The following SLC1A2 variants were observed in gnomAD, a reference collection of about 807,000 sequenced individuals.
The protein encoded by SLC1A2 is excitatory amino acid transporter 2.
A neutral mutation model predicts 48.8 loss-of-function variants in SLC1A2; 15 were observed. The ratio of observed to expected loss-of-function variants is 0.31; its 90% CI spans 0.21 to 0.47. The LOEUF (loss-of-function observed/expected upper bound fraction) is 0.47. Among genes scored for constraint, SLC1A2 ranks in the 20% least tolerant of loss-of-function variants. SLC1A2 has a pLI of 0.99. For synonymous variants in SLC1A2, 279 were observed against 272.6 expected, an observed-to-expected ratio of 1.02 and a Z score of -0.23; for missense variants, 502 against 730.5, an observed-to-expected ratio of 0.69 and a Z score of 3.61.
intron 1 of SLC1A2, among the ~76,000 whole-genome samples, chr11:35,386,474 C>T (rs941542952): frequency 6.6e-5 from 10 of 152,038 alleles, no homozygotes; most frequent in African/African-American, 2.2e-4. Context: ...AGAAAGGTGC[C>T]GATGAAAAGG....
chr11:35,322,895 T>A (rs573076580), intron 1 of SLC1A2: 11 of 618,658 alleles, frequency 1.8e-5, no homozygotes, highest in Non-Finnish European at 2.6e-5. Flanking sequence ...ACTCTAAGAC[T>A]TTCTGGCATT....
At chr11:35,392,714 G>A (rs1854821463) in intron 1 of SLC1A2, among the ~76,000 whole-genome samples, 1 of 152,164 alleles carries the variant, frequency 6.6e-6, no homozygotes, top group Admixed American at 6.5e-5. Context: ...AATGCCCCGA[G>A]TCCTCCTCCC....
intron 1 of SLC1A2, chr11:35,380,276 T>C (rs1489943229): frequency 3.3e-5 from 13 of 398,294 alleles, no homozygotes; most frequent in Middle Eastern, 6.3e-4. Context: ...CCTGATGCTC[T>C]GGGTGGTTCG....
At chr11:35,282,075 A>T (rs1393666190) in intron 8 of SLC1A2, among the ~76,000 whole-genome samples, 1 of 142,768 alleles carries the variant, frequency 7.0e-6, no homozygotes, top group African/African-American at 2.6e-5. Context: ...CGTTTGGAAG[A>T]TTAAGGCCCC....
At chr11:35,410,905 C>T (rs1382160018) in intron 1 of SLC1A2, among the ~76,000 whole-genome samples, 1 of 152,188 alleles carries the variant, frequency 6.6e-6, no homozygotes, top group Non-Finnish European at 1.5e-5. Context: ...CAATAAATTC[C>T]ATGCACACAA....
chr11:35,284,505 T>C (rs1408619840), intron 8 of SLC1A2, among the ~76,000 whole-genome samples: 1 of 152,002 alleles, frequency 6.6e-6, no homozygotes, highest in Non-Finnish European at 1.5e-5. Flanking sequence ...ACATTCTAGC[T>C]GATTAAATAA....
chr11:35,323,756 C>A (rs1852151434), intron 1 of SLC1A2, among the ~76,000 whole-genome samples: 3 of 152,208 alleles, frequency 2.0e-5, no homozygotes, highest in Non-Finnish European at 2.9e-5. Flanking sequence ...ATAACAACAA[C>A]CATTTCTTGA....
At chr11:35,360,920 C>A (rs186267612) in intron 1 of SLC1A2, among the ~76,000 whole-genome samples, 1 of 151,758 alleles carries the variant, frequency 6.6e-6, no homozygotes, top group Non-Finnish European at 1.5e-5. Flanking sequence ...CTGTTGCCCA[C>A]GCTGGAGTAC....
At chr11:35,312,137 A>C in intron 4 of SLC1A2, 61 bp downstream of exon 4, 1 of 1,562,504 alleles carries the variant, frequency 6.4e-7, no homozygotes, top group Non-Finnish European at 8.8e-7. Flanking sequence ...AAATACTCTT[A>C]AGTTATCGCC....
chr11:35,286,990 A>G (rs1850842475), intron 7 of SLC1A2, 39 bp from the exon 8 acceptor site: 1 of 1,525,846 alleles, frequency 6.6e-7, no homozygotes, highest in Admixed American at 1.7e-5. Context: ...GGTTATGTCC[A>G]CTTTAGAGAA....
chr11:35,313,803 G>A (rs936548138), intron 3 of SLC1A2, among the ~76,000 whole-genome samples: 1 of 152,146 alleles, frequency 6.6e-6, no homozygotes, highest in Non-Finnish European at 1.5e-5. Flanking sequence ...GCCCCTAAGT[G>A]CCTGATCCTG....
intron 1 of SLC1A2, among the ~76,000 whole-genome samples, chr11:35,389,948 T>C (rs930625778): frequency 6.6e-6 from 1 of 152,158 alleles, no homozygotes; most frequent in Non-Finnish European, 1.5e-5. Flanking sequence ...CTTTTCCGGA[T>C]TTCTGTTTGC....
chr11:35,314,475 G>A (rs996565173), intron 3 of SLC1A2, among the ~76,000 whole-genome samples: 2 of 152,196 alleles, frequency 1.3e-5, no homozygotes, highest in Non-Finnish European at 2.9e-5. Context: ...AGCACTTTGG[G>A]AGGCTGAGGC....
At chr11:35,294,643 G>A (rs1208339930) in intron 6 of SLC1A2, among the ~76,000 whole-genome samples, 1 of 152,148 alleles carries the variant, frequency 6.6e-6, no homozygotes, top group Non-Finnish European at 1.5e-5. Context: ...TAAGCTGTTT[G>A]GGGTGCCATT....
intron 1 of SLC1A2, among the ~76,000 whole-genome samples, chr11:35,318,657 A>G (rs889441562): frequency 5.3e-5 from 8 of 152,222 alleles, no homozygotes; most frequent in African/African-American, 1.7e-4. Context: ...CCTTGACTTC[A>G]AATCCTGACT....
At chr11:35,401,180 A>G (rs1360681877) in intron 1 of SLC1A2, among the ~76,000 whole-genome samples, 1 of 152,188 alleles carries the variant, frequency 6.6e-6, no homozygotes, top group Non-Finnish European at 1.5e-5. Flanking sequence ...CAGGCTTCAG[A>G]GAGAATGGAC....
intron 5 of SLC1A2, among the ~76,000 whole-genome samples, chr11:35,304,638 A>G (rs1169689078): frequency 1.3e-5 from 2 of 152,078 alleles, no homozygotes; most frequent in African/African-American, 4.8e-5. Context: ...GCTTCCTGCC[A>G]AGCCAAACAA....
intron 1 of SLC1A2, among the ~76,000 whole-genome samples, chr11:35,354,772 C>A (rs1276665557): frequency 6.6e-6 from 1 of 152,184 alleles, no homozygotes; most frequent in Non-Finnish European, 1.5e-5. Context: ...ATCCCTGTCA[C>A]CCAAGAACAC....
intron 4 of SLC1A2, among the ~76,000 whole-genome samples, chr11:35,308,033 T>C (rs1239095000): frequency 6.6e-6 from 1 of 152,170 alleles, no homozygotes; most frequent in Non-Finnish European, 1.5e-5. Flanking sequence ...AGCAGAGTCA[T>C]GCTCCCAGGA....
Sources: gnomAD v4.1 joint callset for allele counts (sites outside exome capture counted in the v4.1 genomes callset) on GRCh38, gnomAD v4.1.1 for gene constraint, MANE v1.5 for transcripts, NCBI Gene and HGNC (gene_info 2026-07-23, HGNC 2026-07-21) for gene names.